The following FAAH2 variants were observed in gnomAD, a reference collection of about 807,000 sequenced individuals.
FAAH2 encodes the protein fatty-acid amide hydrolase 2.
A neutral mutation model predicts 36.9 loss-of-function variants in FAAH2; 60 were observed. The ratio of observed to expected loss-of-function variants is 1.63; its 90% CI spans 1.32 to 2.02. The LOEUF (loss-of-function observed/expected upper bound fraction) is 2.02. FAAH2 is among the 30% of genes most tolerant of loss of function. The pLI, the probability that FAAH2 is intolerant of heterozygous loss-of-function variation, is 0.00. For synonymous variants in FAAH2, 214 were observed against 143.8 expected (o/e 1.49, Z -3.49); for missense variants, 689 against 397.5 (o/e 1.73, Z -6.23).
intron 10 of FAAH2, among the ~76,000 whole-genome samples, chrX:57,471,192 G>C (rs1206281001): frequency 2.7e-5 from 3 of 111,729 alleles, no homozygotes; most frequent in Non-Finnish European, 5.6e-5. Flanking sequence ...GCACAAGACA[G>C]GGATGACCTC....
At chrX:57,323,674 A>G (rs1325530503) in intron 3 of FAAH2, among the ~76,000 whole-genome samples, 1 of 89,823 alleles carries the variant, frequency 1.1e-5, no homozygotes, top group African/African-American at 4.0e-5. Context: ...CCACTTGTTG[A>G]TGGGGTTGTT....
chrX:57,205,959 T>C, the FAAH2 span, among the ~76,000 whole-genome samples: 2 of 111,850 alleles, frequency 1.8e-5, no homozygotes, highest in African/African-American at 6.5e-5. Flanking sequence ...TTGATCCAAA[T>C]AAGGAGTTAG....
intron 1 of FAAH2, chrX:57,290,284 G>A (rs2051937883): frequency 4.0e-6 from 3 of 749,726 alleles, no homozygotes; most frequent in Non-Finnish European, 4.7e-6. Flanking sequence ...GGTTGTATAC[G>A]TTGATGGAGT....
At chrX:57,280,263 G>C in the FAAH2 span, among the ~76,000 whole-genome samples, 2 of 109,792 alleles carry the variant, frequency 1.8e-5, no homozygotes, top group African/African-American at 3.3e-5. Flanking sequence ...ACACGGATAT[G>C]CTAAGAATCT....
chrX:57,392,894 G>C (rs1354842973), intron 7 of FAAH2: 14 of 828,695 alleles, frequency 1.7e-5, no homozygotes, highest in Admixed American at 4.4e-5. Context: ...GCTTTGTGTA[G>C]ACTTCAGCTT....
At chrX:57,374,477 T>C (rs2054621833) in intron 5 of FAAH2, among the ~76,000 whole-genome samples, 1 of 111,863 alleles carries the variant, frequency 8.9e-6, no homozygotes, top group African/African-American at 3.2e-5. Flanking sequence ...GCAGCTATTG[T>C]AAAAGGGGTT....
chrX:57,128,572 A>C, the FAAH2 span, among the ~76,000 whole-genome samples: 1 of 111,843 alleles, frequency 8.9e-6, no homozygotes, highest in South Asian at 3.7e-4. Context: ...GAAATAACAG[A>C]AAATTAGTAG....
intron 7 of FAAH2, chrX:57,393,702 T>A: frequency 9.9e-7 from 1 of 1,014,884 alleles, no homozygotes; most frequent in South Asian, 1.9e-5. Context: ...CTCTCTCTCC[T>A]GTCTTCTAGA....
In FAAH2 at chrX:57,409,082, G is replaced by A. The variant is rs566169215; in HGVS notation, c.997-22836G>A. ...CATGTTACTGTACTGAAAATTGTAG[G>A]CAATTTTAATACAATGGTAAGTATG... On this transcript the variant is annotated intron_variant, in intron 7 of 10. Coordinates refer to ENST00000374900, the MANE Select transcript of FAAH2 (RefSeq NM_174912.4). 1.1e-3 allele frequency among the ~76,000 whole-genome samples: 127 copies of A among 111,084 alleles called. 4 individuals are homozygous for A. The South Asian group carries it at 0.045, about 39-fold the overall frequency.
chrX:57,383,767 C>A (rs904488395), intron 7 of FAAH2, among the ~76,000 whole-genome samples: 4 of 111,879 alleles, frequency 3.6e-5, no homozygotes, highest in African/African-American at 1.3e-4. Flanking sequence ...TTTATAGATT[C>A]AATGCCATCC....
chrX:57,122,705 A>G, the FAAH2 span, among the ~76,000 whole-genome samples: 7 of 112,138 alleles, frequency 6.2e-5, no homozygotes, highest in East Asian at 2.8e-4. Flanking sequence ...AAACAAAACA[A>G]TGCTTAATGG....
chrX:57,127,003 G>A, the FAAH2 span: 13 of 111,312 alleles, frequency 1.2e-4, no homozygotes, highest in South Asian at 3.8e-4. Flanking sequence ...TGATCTTATC[G>A]TTTAGCTGCT....
intron 7 of FAAH2, chrX:57,393,516 G>A: frequency 2.1e-6 from 2 of 960,741 alleles, no homozygotes; most frequent in Non-Finnish European, 3.0e-6. Context: ...GAATTGCCGT[G>A]TGCGATGATG....
the FAAH2 span, among the ~76,000 whole-genome samples, chrX:57,241,762 T>A: frequency 6.3e-5 from 7 of 111,515 alleles, no homozygotes; most frequent in Non-Finnish European, 1.3e-4. Context: ...CCTCATAGCT[T>A]AGCTCCCACT....
the FAAH2 span, among the ~76,000 whole-genome samples, chrX:57,185,373 A>G: frequency 9.0e-6 from 1 of 111,183 alleles, no homozygotes; most frequent in South Asian, 3.8e-4. Flanking sequence ...TCATTTAGTA[A>G]AATGACTTCC....
chrX:57,292,446 A>G (rs937073042), intron 1 of FAAH2, 52 bp from the exon 2 acceptor site: 3 of 1,058,947 alleles, frequency 2.8e-6, no homozygotes, highest in Non-Finnish European at 3.9e-6. Context: ...TACTTGTTGA[A>G]TGAATTGTTT....
intron 7 of FAAH2, among the ~76,000 whole-genome samples, chrX:57,398,432 G>A (rs188246919): frequency 7.1e-4 from 79 of 111,975 alleles, no homozygotes; most frequent in African/African-American, 1.9e-3. Context: ...GAATTATTCC[G>A]TCAAATATGT....
intron 10 of FAAH2, among the ~76,000 whole-genome samples, chrX:57,457,289 G>A (rs181751613): frequency 2.7e-5 from 3 of 111,415 alleles, no homozygotes; most frequent in East Asian, 5.6e-4. Context: ...AAGCATTAAA[G>A]TAGCATACCT....
At chrX:57,268,794 G>C in the FAAH2 span, among the ~76,000 whole-genome samples, 3 of 111,799 alleles carry the variant, frequency 2.7e-5, no homozygotes, top group Middle Eastern at 0.014. Flanking sequence ...ACACACTGAA[G>C]TACACAAACC....
Sources: allele counts gnomAD v4.1 joint callset (sites outside exome capture counted in the v4.1 genomes callset), GRCh38; gene constraint gnomAD v4.1.1; transcripts MANE v1.5; gene names NCBI Gene and HGNC (gene_info 2026-07-23, HGNC 2026-07-21).